Variants in METRNL observed in about 807,000 individuals in gnomAD.
The protein encoded by METRNL is meteorin like, glial cell differentiation regulator, also known as meteorin-like protein.
A neutral mutation model predicts 17.4 loss-of-function variants in METRNL; 9 were observed. The ratio of observed to expected loss-of-function variants is 0.52; its 90% confidence interval spans 0.31 to 0.90. The LOEUF (loss-of-function observed/expected upper bound fraction) is 0.90. METRNL is among the 40% of genes least tolerant of loss of function. The pLI is 0.05. For missense variants in METRNL, 408 were observed against 430.7 expected, an observed-to-expected ratio of 0.95 and a Z score of 0.47; for synonymous variants, 215 against 199.3, an observed-to-expected ratio of 1.08 and a Z score of -0.66.
rs1467104890 is a variant in METRNL at position 83,081,733 on chromosome 17, T to TG, written c.170+1753dup. ...TGCAGAGCCTGGCAGAGGGCAGCTG[T>TG]GGGGGCTGCTGGAGCTGCGGGTGTG... On this transcript the variant is annotated intron_variant, in intron 1 of 3. Transcript: ENST00000320095. 2.0e-5 allele frequency among the ~76,000 whole-genome samples: 3 copies of TG among 152,032 alleles called. No homozygotes were observed. The South Asian group carries it at 6.2e-4, about 32-fold the overall frequency.
intron 2 of METRNL, among the ~76,000 whole-genome samples, chr17:83,090,137 CA>C (rs2038102321): frequency 6.7e-6 from 1 of 148,324 alleles, no homozygotes; most frequent in Admixed American, 6.7e-5. Context: ...GGGAGCCACA[CA>C]CCCCCGCCCC....
intron 1 of METRNL, chr17:83,084,209 G>C (rs2038021710): frequency 6.6e-6 from 1 of 152,222 alleles, no homozygotes; most frequent in Non-Finnish European, 1.5e-5. Flanking sequence ...CGGCAGTGCA[G>C]GGTCTTCAGG....
At chr17:83,083,087 A>G (rs966044709) in intron 1 of METRNL, among the ~76,000 whole-genome samples, 1 of 152,082 alleles carries the variant, frequency 6.6e-6, no homozygotes, top group Non-Finnish European at 1.5e-5. Flanking sequence ...CTTTTTGCCC[A>G]GTGTCTTCTG....
chr17:83,088,203 C>A (rs1568337520), intron 2 of METRNL, among the ~76,000 whole-genome samples: 1 of 152,238 alleles, frequency 6.6e-6, no homozygotes, highest in Admixed American at 6.5e-5. Context: ...ACACGGACGC[C>A]TTCCTTGGAT....
rs1237638269 is a variant in METRNL at position 83,094,570 on chromosome 17, G to T, written c.931G>T (p.Asp311Tyr). Residue 311 changes from aspartate (D) to tyrosine (Y), a missense_variant, in exon 4 of 4, where the codon GAC becomes TAC. By Grantham distance (160) the Asp-to-Tyr change is radical. Coordinates refer to ENST00000320095, the MANE Select transcript of METRNL (RefSeq NM_001004431.3). Reference protein sequence around the residue: ...RGLNPCEVGTD With the variant: ...RGLNPCEVGTY ...GCTGAACCCTTGTGAGGTTGGCACG[G>T]ACTGACTCCGTGGGCCGCTGCCCTT... The T allele has an allele frequency of 1.4e-6, 2 of 1,464,016 alleles. No individual in the cohort carries two copies. Among genetic ancestry groups the T allele is most frequent in the Non-Finnish European group, 9.1e-7 (1 of 1,104,128 alleles). 90.7% of individuals were successfully genotyped at this position (1,464,016 alleles called of 1,614,324 possible). A position where few individuals can be genotyped will look rare whatever the true frequency, so the allele number is the denominator to read the frequency against.
At chr17:83,080,014 G>T in intron 1 of METRNL, 29 bp downstream of exon 1, 1 of 1,010,130 alleles carries the variant, frequency 9.9e-7, no homozygotes, top group Non-Finnish European at 1.2e-6. Context: ...ACCCCGGCCC[G>T]GCCCCCTCCC....
chr17:83,081,473 G>C (rs1207569463), intron 1 of METRNL, among the ~76,000 whole-genome samples: 1 of 152,170 alleles, frequency 6.6e-6, no homozygotes, highest in Non-Finnish European at 1.5e-5. Flanking sequence ...CCGAAGGGAG[G>C]GCGCGGTAGG....
chr17:83,081,326 G>C (rs993930031), intron 1 of METRNL, among the ~76,000 whole-genome samples: 4 of 152,224 alleles, frequency 2.6e-5, no homozygotes, highest in Non-Finnish European at 5.9e-5. Context: ...ACCGAGGCCC[G>C]GGGCGTTCCG....
intron 1 of METRNL, 132 bp downstream of exon 1, chr17:83,080,117 C>G: frequency 3.1e-6 from 1 of 323,884 alleles, no homozygotes; most frequent in Non-Finnish European, 4.5e-6. Flanking sequence ...GCTCTCCAGG[C>G]CCAGTCCGGT....
In METRNL at chr17:83,085,013, G is replaced by C; in HGVS notation, c.246G>C (p.Trp82Cys). The change falls in exon 2 of 4, where the codon TGG becomes TGC. Residue 82 changes from tryptophan to cysteine, a missense_variant. Coordinates refer to ENST00000320095, the MANE Select transcript of METRNL (RefSeq NM_001004431.3). ...GCTGTGCGGCGGGTGCCGTGGAGTG[G>C]ATGTACCCAACAGGTGCTCTCATCG... ...YLRCAAGAVE[W>C]MYPTGALIVN... 6.2e-7 allele frequency: 1 copy of C among 1,613,812 alleles called. No individual in the cohort carries two copies. Among genetic ancestry groups the C allele is most frequent in the Non-Finnish European group, 8.5e-7 (1 of 1,180,016 alleles).
intron 1 of METRNL, chr17:83,084,315 C>G (rs1480797031): frequency 1.3e-5 from 2 of 152,496 alleles, no homozygotes; most frequent in Non-Finnish European, 2.9e-5. Flanking sequence ...AACCTCCTTC[C>G]CCCCAAACTG....
chr17:83,091,728 C>G (rs1213942231), intron 2 of METRNL, among the ~76,000 whole-genome samples: 1 of 152,212 alleles, frequency 6.6e-6, no homozygotes, highest in Admixed American at 6.5e-5. Flanking sequence ...AACCCCAAGT[C>G]AAGGTCGTCC....
rs781435252 is a variant in METRNL, at chr17:83,093,164, C to T, written c.557-3C>T. 4.4e-6 allele frequency: 7 copies of T among 1,607,338 alleles called. No individual in the cohort carries two copies. Among genetic ancestry groups the T allele is most frequent in the Non-Finnish European group, 5.9e-6 (7 of 1,179,736 alleles). ...GCTTCCTGACTCTGCCTTTCTTCTC[C>T]AGCGCCGTGCCGTCCCTGCAGTGAC... On this transcript the variant is annotated splice_polypyrimidine_tract_variant and splice_region_variant and intron_variant, in intron 2 of 3. Transcript: ENST00000320095.
intron 2 of METRNL, 97 bp downstream of exon 2, chr17:83,085,420 T>G: frequency 7.0e-7 from 1 of 1,428,568 alleles, no homozygotes; most frequent in Non-Finnish European, 9.4e-7. Context: ...CCTCGTCTGC[T>G]CAGCCTTGGT....
At chr17:83,089,345 C>T (rs1433820889) in intron 2 of METRNL, among the ~76,000 whole-genome samples, 1 of 152,192 alleles carries the variant, frequency 6.6e-6, no homozygotes, top group African/African-American at 2.4e-5. Flanking sequence ...ACCCAGTAAT[C>T]GTGGCCACAG....
chr17:83,087,045 GTGAGGAGTGACTTGAGCC>G (rs1226611313), intron 2 of METRNL, among the ~76,000 whole-genome samples: 1 of 152,144 alleles, frequency 6.6e-6, no homozygotes, highest in Non-Finnish European at 1.5e-5. Context: ...GCGGCCTCTT[GTGAGGAGTGACTTGAGCC>G]CCAAGGGACC....
Position 83,081,965 on chromosome 17 carries a change from C to T in METRNL, c.170+1980C>T, listed in dbSNP as rs971074572. 8.9e-6 allele frequency: 4 copies of T among 451,246 alleles called. 1 individual carries two copies. The highest frequency in any genetic ancestry group is 1.2e-5 in the Non-Finnish European group (4 of 341,934). The allele number at this position is 451,246 out of a possible 1,614,324, so 28.0% of individuals were successfully genotyped here. A position where few individuals can be genotyped will look rare whatever the true frequency, so the allele number is the denominator to read the frequency against. On this transcript the variant is annotated intron_variant, in intron 1 of 3. Transcript: ENST00000320095. ...CTGACGAAGCACAGGGTGGAGCGAG[C>T]GCTGGTGTGCTGGGTGGATTCTCAT...
At chr17:83,091,477 G>A (rs1299876111) in intron 2 of METRNL, among the ~76,000 whole-genome samples, 1 of 152,240 alleles carries the variant, frequency 6.6e-6, no homozygotes, top group African/African-American at 2.4e-5. Context: ...GGTCTCCGTT[G>A]ACCACATGTG....
At position 83,085,192 on chromosome 17, in the gene METRNL, A is replaced by C; in HGVS notation, c.425A>C (p.Gln142Pro). 6.2e-7 allele frequency: 1 copy of C among 1,611,072 alleles called. No homozygotes were observed. The highest frequency in any genetic ancestry group is 8.5e-7 in the Non-Finnish European group (1 of 1,178,646). ...PDGDGRPGRV[Q>P]CFGLEQGGLF... ...GGGGACGGCAGGCCCGGCCGGGTGC[A>C]GTGTTTTGGCCTGGAGCAGGGCGGC... The change falls in exon 2 of 4, where the codon CAG (glutamine) becomes CCG (proline). Residue 142 changes from glutamine to proline, a missense_variant. Gln to Pro is a moderately conservative substitution (Grantham distance 76). Coordinates refer to ENST00000320095, the MANE Select transcript of METRNL (RefSeq NM_001004431.3).
Sources: gnomAD v4.1 joint callset for allele counts (sites outside exome capture counted in the v4.1 genomes callset) on GRCh38, gnomAD v4.1.1 for gene constraint, MANE v1.5 for transcripts, NCBI Gene and HGNC (gene_info 2026-07-23, HGNC 2026-07-21) for gene names.